DENND1A: variants seen among roughly 807,000 people sequenced by gnomAD.
DENND1A encodes DENN domain containing 1A.
Under a neutral mutation model 113.7 loss-of-function variants are expected in DENND1A, and 51 were observed. That is an observed-to-expected ratio of 0.45 (90% CI 0.36 to 0.57). The LOEUF (loss-of-function observed/expected upper bound fraction) is 0.57. Among genes scored for constraint, DENND1A ranks in the 20% least tolerant of loss-of-function variants. The pLI is 0.00. For synonymous variants in DENND1A, 565 were observed against 570.8 expected (o/e 0.99, Z 0.14); for missense variants, 1,258 against 1,395.9 (o/e 0.90, Z 1.57).
rs57517089 is a variant in DENND1A, at chr9:123,525,483, A to G, written c.993+32087T>C. 3.6e-4 allele frequency among the ~76,000 whole-genome samples: 55 copies of G among 152,366 alleles called. No homozygotes were observed. In the East Asian group the frequency reaches 0.01, roughly 28 times the overall value. On this transcript the variant is annotated intron_variant, in intron 13 of 23. Coordinates refer to ENST00000394215, the MANE Select transcript of DENND1A (RefSeq NM_001352964.2). ...GCCTCAATCACCTGTATACTCGTGT[A>G]GGTAGCAGATAAATGCCACAAGCCA...
chr9:123,806,503 C>T (rs928833358), intron 2 of DENND1A, among the ~76,000 whole-genome samples: 7 of 152,186 alleles, frequency 4.6e-5, no homozygotes, highest in East Asian at 3.9e-4. Flanking sequence ...GTGATCTGCC[C>T]GCCTCGGTCT....
intron 13 of DENND1A, among the ~76,000 whole-genome samples, chr9:123,482,317 T>C (rs951919564): frequency 6.6e-6 from 1 of 152,204 alleles, no homozygotes; most frequent in African/African-American, 2.4e-5. Context: ...AGGCTGGTCT[T>C]GAACTCCTAG....
chr9:123,464,851 A>G (rs2048805487), intron 13 of DENND1A, among the ~76,000 whole-genome samples: 1 of 152,002 alleles, frequency 6.6e-6, no homozygotes, highest in Admixed American at 6.6e-5. Flanking sequence ...AATTTTCCAT[A>G]ATAAAAAGTT....
At chr9:123,636,939 G>C (rs3860156) in intron 9 of DENND1A, among the ~76,000 whole-genome samples, 1 of 152,214 alleles carries the variant, frequency 6.6e-6, no homozygotes, top group African/African-American at 2.4e-5. Flanking sequence ...CATGTGATCC[G>C]CCCGCCTCCA....
chr9:123,588,935 T>C (rs973209174), intron 11 of DENND1A, among the ~76,000 whole-genome samples: 5 of 151,974 alleles, frequency 3.3e-5, no homozygotes, highest in African/African-American at 1.2e-4. Context: ...ACCCAGCTAA[T>C]TTTTTTATTT....
intron 2 of DENND1A, among the ~76,000 whole-genome samples, chr9:123,873,124 G>C (rs1846911072): frequency 6.6e-6 from 1 of 152,074 alleles, no homozygotes; most frequent in African/African-American, 2.4e-5. Flanking sequence ...ATTAGAAAAA[G>C]GCAAACATAA....
intron 19 of DENND1A, among the ~76,000 whole-genome samples, chr9:123,418,045 C>A (rs1355932596): frequency 6.6e-6 from 1 of 152,124 alleles, no homozygotes; most frequent in Non-Finnish European, 1.5e-5. Flanking sequence ...TGAGAATTTG[C>A]GGATTTTCTT....
At chr9:123,494,986 T>C (rs1409115069) in intron 13 of DENND1A, among the ~76,000 whole-genome samples, 1 of 152,120 alleles carries the variant, frequency 6.6e-6, no homozygotes, top group Admixed American at 6.5e-5. Flanking sequence ...GAGACGGGGT[T>C]TTGCCATGTT....
rs2064891004 is a variant in DENND1A at position 123,687,578 on chromosome 9, G to A, written c.303-10789C>T. ...ACAGCTGATGTTCAAAGCCTCCTTCGGGTACAAAGCAGAACCTTTCAACTA... is the reference window on the plus strand; with the variant it reads ...ACAGCTGATGTTCAAAGCCTCCTTCAGGTACAAAGCAGAACCTTTCAACTA... On this transcript the variant is annotated intron_variant, in intron 5 of 23. Transcript: ENST00000394215. Among the ~76,000 whole-genome samples the A allele has an allele frequency of 3.3e-5, 5 of 152,194 alleles. No individual in the cohort carries two copies. The South Asian group carries it at 6.2e-4, about 19-fold the overall frequency.
At chr9:123,432,932 G>T (rs114789283) in intron 19 of DENND1A, among the ~76,000 whole-genome samples, 4 of 152,224 alleles carry the variant, frequency 2.6e-5, no homozygotes, top group Non-Finnish European at 5.9e-5. Flanking sequence ...TAGGGACACA[G>T]GTCAGTTGCC....
chr9:123,538,809 C>CATATATATATATATATATATAT, intron 13 of DENND1A, among the ~76,000 whole-genome samples: 1 of 22,472 alleles, frequency 4.4e-5, no homozygotes, highest in Non-Finnish European at 8.0e-5. Flanking sequence ...ACAACTCATA[C>CATATATATATATATATATATAT]ATATATATAT....
At chr9:123,875,384 A>G (rs1025313173) in intron 2 of DENND1A, among the ~76,000 whole-genome samples, 7 of 152,200 alleles carry the variant, frequency 4.6e-5, no homozygotes, top group African/African-American at 1.7e-4. Flanking sequence ...GAATATTTAA[A>G]TATTTAAAAG....
chr9:123,559,852 AC>A (rs1279577805), intron 12 of DENND1A, among the ~76,000 whole-genome samples: 1 of 152,102 alleles, frequency 6.6e-6, no homozygotes, highest in East Asian at 1.9e-4. Context: ...TTTCCCCCAC[AC>A]CAGACCCAAG....
intron 5 of DENND1A, among the ~76,000 whole-genome samples, chr9:123,691,518 G>A (rs2065188392): frequency 6.6e-6 from 1 of 151,862 alleles, no homozygotes; most frequent in East Asian, 1.9e-4. Flanking sequence ...AGTAAGGGTA[G>A]AGCGGGGTGT....
chr9:123,723,492 A>T (rs1215006225), intron 5 of DENND1A, among the ~76,000 whole-genome samples: 1 of 152,170 alleles, frequency 6.6e-6, no homozygotes, highest in East Asian at 1.9e-4. Flanking sequence ...CCCAAATCTC[A>T]TCTTTAACTG....
At chr9:123,510,097 G>A (rs2053322573) in intron 13 of DENND1A, among the ~76,000 whole-genome samples, 1 of 152,236 alleles carries the variant, frequency 6.6e-6, no homozygotes, top group African/African-American at 2.4e-5. Context: ...CCCCAGCAGT[G>A]CGGCCTGCCC....
chr9:123,468,229 TG>T (rs1299595017), intron 13 of DENND1A, among the ~76,000 whole-genome samples: 1 of 152,158 alleles, frequency 6.6e-6, no homozygotes, highest in African/African-American at 2.4e-5. Flanking sequence ...ACATGTAATG[TG>T]GGTAGAGCTA....
intron 2 of DENND1A, among the ~76,000 whole-genome samples, chr9:123,828,832 G>C (rs984083954): frequency 9.2e-5 from 14 of 152,088 alleles, no homozygotes; most frequent in African/African-American, 3.1e-4. Context: ...CTGACAAGAA[G>C]GTTGCAGAAC....
chr9:123,741,824 G>A (rs2069053548), intron 5 of DENND1A, among the ~76,000 whole-genome samples: 1 of 152,146 alleles, frequency 6.6e-6, no homozygotes, highest in African/African-American at 2.4e-5. Context: ...GCACAACGCT[G>A]ACAAAAAGAG....
Sources: gnomAD v4.1 joint callset for allele counts (sites outside exome capture counted in the v4.1 genomes callset) on GRCh38, gnomAD v4.1.1 for gene constraint, MANE v1.5 for transcripts, NCBI Gene and HGNC (gene_info 2026-07-23, HGNC 2026-07-21) for gene names.